The following PABPC4L variants were observed in gnomAD, a reference collection of about 807,000 sequenced individuals.
PABPC4L encodes the protein polyadenylate-binding protein 4-like.
For synonymous variants in PABPC4L, 169 were observed against 164.1 expected, an observed-to-expected ratio of 1.03 and a Z score of -0.23; for missense variants, 452 against 451.4, an observed-to-expected ratio of 1.00 and a Z score of -0.01.
At chr4:134,142,220 T>G in the PABPC4L span, among the ~76,000 whole-genome samples, 1 of 151,660 alleles carries the variant, frequency 6.6e-6, no homozygotes, top group Non-Finnish European at 1.5e-5. Flanking sequence ...AAAAACACTG[T>G]AATTTTTTAA....
downstream of PABPC4L, among the ~76,000 whole-genome samples, chr4:134,193,136 C>T (rs910202772): frequency 6.6e-6 from 1 of 151,978 alleles, no homozygotes; most frequent in Non-Finnish European, 1.5e-5. Context: ...AGTGTATGCA[C>T]TTTGTAAGCC....
chr4:134,065,324 G>A, the PABPC4L span, among the ~76,000 whole-genome samples: 74,481 of 145,258 alleles, frequency 0.51, 19,236 homozygotes, highest in East Asian at 0.93. Flanking sequence ...TGTGATTTTG[G>A]TTTGTATTTA....
At chr4:134,182,821 A>C in the PABPC4L span, among the ~76,000 whole-genome samples, 1 of 152,088 alleles carries the variant, frequency 6.6e-6, no homozygotes, top group African/African-American at 2.4e-5. Flanking sequence ...TGTTCAAAAA[A>C]AGACATACAC....
chr4:134,054,213 A>C, the PABPC4L span, among the ~76,000 whole-genome samples: 1 of 141,348 alleles, frequency 7.1e-6, no homozygotes, highest in Non-Finnish European at 1.5e-5. Flanking sequence ...TTTCTAATAT[A>C]TTTTGATTTT....
the PABPC4L span, among the ~76,000 whole-genome samples, chr4:133,956,941 C>T: frequency 6.6e-6 from 1 of 152,142 alleles, no homozygotes; most frequent in South Asian, 2.1e-4. Context: ...CACTGTGTCC[C>T]TTCAATGACA....
chr4:134,089,010 T>A, the PABPC4L span, among the ~76,000 whole-genome samples: 1 of 152,078 alleles, frequency 6.6e-6, no homozygotes, highest in African/African-American at 2.4e-5. Flanking sequence ...TTTTAGCAAT[T>A]TTTTGTCTAT....
At chr4:134,178,897 T>C in the PABPC4L span, among the ~76,000 whole-genome samples, 1 of 152,208 alleles carries the variant, frequency 6.6e-6, no homozygotes, top group South Asian at 2.1e-4. Context: ...AATGGGATTA[T>C]GTAAAAACAC....
At chr4:134,075,162 T>G in the PABPC4L span, among the ~76,000 whole-genome samples, 1 of 152,122 alleles carries the variant, frequency 6.6e-6, no homozygotes, top group Admixed American at 6.6e-5. Context: ...AGTTCAGGGT[T>G]TTGAGTAGAT....
chr4:134,018,577 C>T, the PABPC4L span, among the ~76,000 whole-genome samples: 1 of 152,064 alleles, frequency 6.6e-6, no homozygotes, highest in Non-Finnish European at 1.5e-5. Context: ...TGTACTTTCA[C>T]CCTTCTTTCA....
the PABPC4L span, among the ~76,000 whole-genome samples, chr4:134,007,023 G>A: frequency 6.6e-6 from 1 of 151,722 alleles, no homozygotes; most frequent in African/African-American, 2.4e-5. Context: ...TTAACCAAAT[G>A]CTCCAAAATA....
the PABPC4L span, among the ~76,000 whole-genome samples, chr4:134,132,915 T>C: frequency 6.8e-6 from 1 of 146,152 alleles, no homozygotes. Flanking sequence ...ATATATTGCA[T>C]ATTATATATA....
chr4:134,164,258 G>A, the PABPC4L span, among the ~76,000 whole-genome samples: 1,744 of 68,124 alleles, frequency 0.026, 24 homozygotes, highest in Admixed American at 0.039. Flanking sequence ...GCGAGACTCC[G>A]TCTCAAAAAA....
the PABPC4L span, among the ~76,000 whole-genome samples, chr4:134,143,235 G>A: frequency 1.3e-5 from 2 of 150,170 alleles, no homozygotes; most frequent in Non-Finnish European, 1.5e-5. Context: ...ATATTATTGA[G>A]AAGATATATA....
chr4:134,139,954 A>C, the PABPC4L span, among the ~76,000 whole-genome samples: 4 of 151,916 alleles, frequency 2.6e-5, no homozygotes, highest in Admixed American at 2.6e-4. Flanking sequence ...AACAGGAAGC[A>C]TACAAAATAA....
the PABPC4L span, among the ~76,000 whole-genome samples, chr4:134,124,785 AACAGGAGAGTACAAAGAACAAAGACCT>A: frequency 1.3e-5 from 2 of 152,058 alleles, no homozygotes; most frequent in African/African-American, 4.8e-5. Flanking sequence ...TCATATATTC[AACAGGAGAGTACAAAGAACAAAGACCT>A]AGCTGTGAGC....
the PABPC4L span, among the ~76,000 whole-genome samples, chr4:134,172,187 C>A: frequency 2.6e-5 from 4 of 151,420 alleles, no homozygotes; most frequent in Non-Finnish European, 5.9e-5. Flanking sequence ...CACATGGAAC[C>A]AAAAAAAACT....
the PABPC4L span, among the ~76,000 whole-genome samples, chr4:134,060,804 G>A: frequency 3.3e-5 from 5 of 151,846 alleles, no homozygotes; most frequent in Non-Finnish European, 4.4e-5. Context: ...TTATGTTAAC[G>A]GAAATAAGCC....
the PABPC4L span, among the ~76,000 whole-genome samples, chr4:134,114,046 G>A: frequency 1.3e-5 from 2 of 151,748 alleles, no homozygotes. Context: ...GACAGGCAAT[G>A]GGCAAGAAGC....
the PABPC4L span, among the ~76,000 whole-genome samples, chr4:134,074,960 G>T: frequency 2.6e-5 from 4 of 152,064 alleles, no homozygotes; most frequent in African/African-American, 9.7e-5. Context: ...ACACAACCAA[G>T]CTATATCAGC....
Sources: allele counts gnomAD v4.1 joint callset (sites outside exome capture counted in the v4.1 genomes callset), GRCh38; gene constraint gnomAD v4.1.1; transcripts MANE v1.5; gene names NCBI Gene and HGNC (gene_info 2026-07-23, HGNC 2026-07-21).